The following SLX4IP variants were observed in gnomAD, a reference collection of about 807,000 sequenced individuals.
SLX4IP encodes the protein protein SLX4IP.
SLX4IP carries 34 observed loss-of-function variants against 32.9 expected under a neutral mutation model. That is an observed-to-expected ratio of 1.03 (90% CI 0.79 to 1.38). The LOEUF (loss-of-function observed/expected upper bound fraction) is 1.38. Among genes scored for constraint, SLX4IP ranks in the 40% most tolerant of loss-of-function variants. The pLI is 0.00. For missense variants in SLX4IP, 444 were observed against 479.0 expected (o/e 0.93, Z 0.68); for synonymous variants, 172 against 171.7 (o/e 1.00, Z -0.01).
chr20:10,544,928 A>C (rs576436068), intron 2 of SLX4IP, among the ~76,000 whole-genome samples: 46 of 152,218 alleles, frequency 3.0e-4, no homozygotes, highest in African/African-American at 1.0e-3. Flanking sequence ...TCCAGGATAC[A>C]AGGGGGCCTG....
intron 1 of SLX4IP, among the ~76,000 whole-genome samples, chr20:10,451,335 AT>A (rs1476883569): frequency 2.0e-5 from 3 of 151,298 alleles, no homozygotes; most frequent in African/African-American, 7.3e-5. Flanking sequence ...TAACTTTTGT[AT>A]TTTTAGTAGA....
intron 1 of SLX4IP, among the ~76,000 whole-genome samples, chr20:10,437,233 CT>C (rs1267815647): frequency 1.3e-5 from 2 of 152,152 alleles, no homozygotes; most frequent in Non-Finnish European, 2.9e-5. Context: ...TCAAGCGATC[CT>C]TCTGCCTTGG....
chr20:10,461,131 T>C (rs1232344463), intron 2 of SLX4IP, among the ~76,000 whole-genome samples: 1 of 152,238 alleles, frequency 6.6e-6, no homozygotes, highest in Non-Finnish European at 1.5e-5. Flanking sequence ...GAGATTAATT[T>C]TTCCAAGACT....
At position 10,623,098 on chromosome 20, in the gene SLX4IP, G is replaced by A. The variant is rs1568780543; in HGVS notation, c.946G>A (p.Asp316Asn). Residue 316 changes from aspartate (D) to asparagine (N), a missense_variant, in exon 8 of 8, where the codon GAT (aspartate) becomes AAT (asparagine). Asp to Asn is a conservative substitution (Grantham distance 23). Coordinates refer to ENST00000334534, the MANE Select transcript of SLX4IP (RefSeq NM_001009608.3). ...DHHGRVSLGS[D>N]RLVPREIIVE... ...CCACGGGAGAGTTTCTCTTGGAAGT[G>A]ATCGATTAGTCCCGAGAGAAATAAT... 1 of 1,614,220 alleles carries A rather than the reference G, an allele frequency of 6.2e-7. No individual in the cohort carries two copies. Among genetic ancestry groups the A allele is most frequent in the East Asian group, 2.2e-5 (1 of 44,888 alleles).
chr20:10,464,740 G>A (rs1028427449), intron 2 of SLX4IP, among the ~76,000 whole-genome samples: 1 of 152,082 alleles, frequency 6.6e-6, no homozygotes, highest in South Asian at 2.1e-4. Flanking sequence ...TCATGCAAAC[G>A]ACTTACCCAT....
chr20:10,537,519 C>T (rs569574735), intron 2 of SLX4IP, among the ~76,000 whole-genome samples: 5 of 152,174 alleles, frequency 3.3e-5, no homozygotes, highest in South Asian at 2.1e-4. Context: ...CAGTTTGGCC[C>T]GAAGAGTATC....
chr20:10,582,531 GT>G (rs1305160131), intron 4 of SLX4IP, among the ~76,000 whole-genome samples: 3 of 152,068 alleles, frequency 2.0e-5, no homozygotes, highest in Non-Finnish European at 4.4e-5. Flanking sequence ...TGCTTAACGG[GT>G]TGGTAATCTG....
In SLX4IP at chr20:10,598,671, C is replaced by T. The variant is rs756826488; in HGVS notation, c.239-4C>T. On this transcript the variant is annotated splice_region_variant and splice_polypyrimidine_tract_variant and intron_variant, in intron 4 of 7. Transcript: ENST00000334534. The stretch of plus-strand genomic sequence containing the variant: ...ACTTAGTGATGTTCCCTTTCACTTT[C>T]CAGGTTATGGCTTTCAAATCACAGC... 3.1e-6 allele frequency: 5 copies of T among 1,614,000 alleles called. No individual in the cohort carries two copies. Among genetic ancestry groups the T allele is most frequent in the South Asian group, 1.1e-5 (1 of 91,086 alleles).
At chr20:10,505,310 T>G (rs2122419668) in intron 2 of SLX4IP, among the ~76,000 whole-genome samples, 1 of 152,354 alleles carries the variant, frequency 6.6e-6, no homozygotes, top group East Asian at 1.9e-4. Flanking sequence ...AATTTTTCTT[T>G]CTGTGAGGTC....
chr20:10,564,624 A>G (rs1680144167), intron 4 of SLX4IP, among the ~76,000 whole-genome samples: 1 of 152,200 alleles, frequency 6.6e-6, no homozygotes, highest in Non-Finnish European at 1.5e-5. Context: ...ATTTCTTTAT[A>G]AACAATTTGC....
intron 2 of SLX4IP, among the ~76,000 whole-genome samples, chr20:10,494,556 A>G (rs1350826051): frequency 6.6e-6 from 1 of 151,962 alleles, no homozygotes; most frequent in East Asian, 1.9e-4. Flanking sequence ...TGTATTTAAC[A>G]TTATCCTCCT....
In SLX4IP at chr20:10,623,676, C is replaced by T. The variant is rs1436884247; in HGVS notation, c.*297C>T. Reference sequence around the variant, plus strand: ...CAGGGAGGAGACTGTGCAAGGACTGCATGAAGAAACTGATCATGAGCCCCT... The same window carrying T: ...CAGGGAGGAGACTGTGCAAGGACTGTATGAAGAAACTGATCATGAGCCCCT... On this transcript the variant is annotated 3_prime_UTR_variant, in exon 8 of 8. Coordinates refer to ENST00000334534, the MANE Select transcript of SLX4IP (RefSeq NM_001009608.3). The T allele has an allele frequency of 2.3e-5, 9 of 387,492 alleles. No homozygotes were observed. The highest frequency in any genetic ancestry group is 4.3e-5 in the Admixed American group (1 of 23,486). 24.0% of individuals were successfully genotyped at this position (387,492 alleles called of 1,614,324 possible). A position where few individuals can be genotyped will look rare whatever the true frequency, so the allele number is the denominator to read the frequency against.
intron 2 of SLX4IP, among the ~76,000 whole-genome samples, chr20:10,461,306 G>T (rs1239573880): frequency 1.3e-5 from 2 of 152,234 alleles, no homozygotes; most frequent in African/African-American, 4.8e-5. Flanking sequence ...CATGGAAATG[G>T]CATATTCTGC....
At chr20:10,619,676 T>C (rs185935045) in intron 6 of SLX4IP, among the ~76,000 whole-genome samples, 1 of 152,330 alleles carries the variant, frequency 6.6e-6, no homozygotes, top group East Asian at 1.9e-4. Context: ...CTTATGTTAA[T>C]TGTTCAGCTC....
intron 5 of SLX4IP, among the ~76,000 whole-genome samples, chr20:10,599,157 A>G (rs570853493): frequency 6.6e-6 from 1 of 152,232 alleles, no homozygotes; most frequent in African/African-American, 2.4e-5. Flanking sequence ...ACTTTCCCCC[A>G]TCACTTCCCC....
intron 2 of SLX4IP, among the ~76,000 whole-genome samples, chr20:10,470,911 C>A (rs2065419432): frequency 6.6e-6 from 1 of 152,148 alleles, no homozygotes. Context: ...GACTTTTAAT[C>A]AGGATTCCTG....
intron 6 of SLX4IP, chr20:10,613,410 A>G (rs2066990869): frequency 6.4e-7 from 1 of 1,557,354 alleles, no homozygotes; most frequent in Non-Finnish European, 8.8e-7. Context: ...ATTTACACCT[A>G]AGGACCTTTG....
intron 1 of SLX4IP, among the ~76,000 whole-genome samples, chr20:10,448,954 C>T (rs1229114793): frequency 6.6e-6 from 1 of 152,160 alleles, no homozygotes; most frequent in African/African-American, 2.4e-5. Context: ...GCAGGCTTTT[C>T]TTGAGTACCC....
At position 10,447,852 on chromosome 20, in the gene SLX4IP, T is replaced by A. The variant is rs1489085479; in HGVS notation, c.-29-10324T>A. 3.4e-5 allele frequency among the ~76,000 whole-genome samples: 5 copies of A among 147,886 alleles called. No individual in the cohort carries two copies. In the South Asian group the frequency reaches 1.1e-3, roughly 32 times the overall value. On this transcript the variant is annotated intron_variant, in intron 1 of 7. Coordinates refer to ENST00000334534, the MANE Select transcript of SLX4IP (RefSeq NM_001009608.3). The stretch of plus-strand genomic sequence containing the variant: ...TGTAGCTGGGACCACAGGTGGGGGC[T>A]CCACACCTGGCTGATTTTTTTTTTT...
Sources: gnomAD v4.1 joint callset for allele counts (sites outside exome capture counted in the v4.1 genomes callset) on GRCh38, gnomAD v4.1.1 for gene constraint, MANE v1.5 for transcripts, NCBI Gene and HGNC (gene_info 2026-07-23, HGNC 2026-07-21) for gene names.